LGR6: variants seen among roughly 807,000 people sequenced by gnomAD.
The protein encoded by LGR6 is leucine rich repeat containing G protein-coupled receptor 6, also known as leucine-rich repeat-containing G protein-coupled receptor 6.
LGR6 carries 45 observed loss-of-function variants against 69.4 expected under a neutral mutation model. That is an observed-to-expected ratio of 0.65 (90% CI 0.51 to 0.83). The LOEUF (loss-of-function observed/expected upper bound fraction) is 0.83. Ranked by LOEUF, LGR6 falls within the 40% of genes least tolerant of loss-of-function variation. The pLI, the probability that LGR6 is intolerant of heterozygous loss-of-function variation, is 0.00. For synonymous variants in LGR6, 538 were observed against 555.0 expected, an observed-to-expected ratio of 0.97 and a Z score of 0.43; for missense variants, 1,108 against 1,246.7, an observed-to-expected ratio of 0.89 and a Z score of 1.68.
At chr1:202,305,352 C>T (rs1653073922) in intron 11 of LGR6, among the ~76,000 whole-genome samples, 1 of 152,184 alleles carries the variant, frequency 6.6e-6, no homozygotes, top group African/African-American at 2.4e-5. Flanking sequence ...TGGCATTGCT[C>T]AGTGAGGTCC....
intron 3 of LGR6, among the ~76,000 whole-genome samples, chr1:202,232,327 C>T (rs999125490): frequency 6.6e-6 from 1 of 152,024 alleles, no homozygotes; most frequent in Non-Finnish European, 1.5e-5. Context: ...GGTTCCTGCC[C>T]CCAAATGCCT....
chr1:202,255,291 TAGG>T (rs1663671071), intron 4 of LGR6, among the ~76,000 whole-genome samples: 2 of 152,300 alleles, frequency 1.3e-5, no homozygotes, highest in Non-Finnish European at 2.9e-5. Context: ...TGAGGCCAGT[TAGG>T]AGATCACTTC....
intron 1 of LGR6, among the ~76,000 whole-genome samples, chr1:202,197,755 A>G (rs1658696777): frequency 6.6e-6 from 1 of 152,220 alleles, no homozygotes; most frequent in Non-Finnish European, 1.5e-5. Context: ...ATTCCATTGC[A>G]TGTGCACATG....
chr1:202,273,673 T>G (rs930375070), intron 4 of LGR6, among the ~76,000 whole-genome samples: 1 of 151,738 alleles, frequency 6.6e-6, no homozygotes, highest in Non-Finnish European at 1.5e-5. Flanking sequence ...GTCAGGCTGG[T>G]CTCGAACTCC....
At chr1:202,276,626 G>T in intron 5 of LGR6, 105 bp downstream of exon 5, 2 of 945,570 alleles carry the variant, frequency 2.1e-6, no homozygotes, top group Non-Finnish European at 3.2e-6. Flanking sequence ...GCTCTTCTTT[G>T]CATGTTGCTA....
intron 1 of LGR6, among the ~76,000 whole-genome samples, chr1:202,209,709 A>G (rs1421072282): frequency 6.6e-6 from 1 of 152,236 alleles, no homozygotes; most frequent in Non-Finnish European, 1.5e-5. Context: ...TTTCACTCGA[A>G]GTATGGTTCA....
chr1:202,211,000 T>C (rs1571816256), intron 1 of LGR6, among the ~76,000 whole-genome samples: 1 of 152,266 alleles, frequency 6.6e-6, no homozygotes, highest in East Asian at 1.9e-4. Flanking sequence ...CATAGGCTGG[T>C]TGTGGGGGGA....
chr1:202,299,511 T>A (rs1165113078), intron 7 of LGR6, among the ~76,000 whole-genome samples: 2 of 152,098 alleles, frequency 1.3e-5, no homozygotes, highest in African/African-American at 4.8e-5. Context: ...CCTGTCTATC[T>A]CCATCTCTCT....
intron 4 of LGR6, among the ~76,000 whole-genome samples, chr1:202,270,896 G>C (rs1043333391): frequency 5.3e-5 from 8 of 152,114 alleles, no homozygotes; most frequent in African/African-American, 1.7e-4. Context: ...TTCCCTCCCT[G>C]CTTCAGCCTC....
chr1:202,318,226 C>G lies in LGR6; in HGVS notation c.1923C>G (p.Gly641=). ...EYGARWETGL[G]CRATGFLAVL... ...GAGCCCGCTGGGAGACGGGGCTAGGCTGCCGGGCCACTGGCTTCCTGGCAG... is the reference window on the plus strand; with the variant it reads ...GAGCCCGCTGGGAGACGGGGCTAGGGTGCCGGGCCACTGGCTTCCTGGCAG... The change falls in exon 18 of 18, where the codon GGC becomes GGG. Residue 641 remains glycine (G), a synonymous_variant. Coordinates refer to ENST00000367278, the MANE Select transcript of LGR6 (RefSeq NM_001017403.2). The G allele has an allele frequency of 6.2e-7, 1 of 1,612,018 alleles. No individual in the cohort carries two copies. The highest frequency in any genetic ancestry group is 1.1e-5 in the South Asian group (1 of 90,948).
intron 9 of LGR6, among the ~76,000 whole-genome samples, chr1:202,301,591 G>A (rs1391669448): frequency 6.6e-6 from 1 of 152,168 alleles, no homozygotes; most frequent in Non-Finnish European, 1.5e-5. Flanking sequence ...CTCAAGGCTG[G>A]TTCTCCTGTG....
At chr1:202,232,057 C>T (rs895820403) in intron 3 of LGR6, among the ~76,000 whole-genome samples, 3 of 151,010 alleles carry the variant, frequency 2.0e-5, no homozygotes, top group Admixed American at 6.6e-5. Flanking sequence ...TTGAGAGTTG[C>T]GCCATTGCAC....
At chr1:202,283,058 C>T (rs897140216) in intron 6 of LGR6, among the ~76,000 whole-genome samples, 1 of 152,180 alleles carries the variant, frequency 6.6e-6, no homozygotes, top group African/African-American at 2.4e-5. Context: ...AAACATAATG[C>T]CAGTAATAGT....
intron 6 of LGR6, among the ~76,000 whole-genome samples, chr1:202,291,709 G>A (rs1043008238): frequency 6.6e-6 from 1 of 152,164 alleles, no homozygotes; most frequent in African/African-American, 2.4e-5. Context: ...GTGGAACTGT[G>A]GTCAAGTGAT....
At chr1:202,316,111 G>A (rs762652634) in intron 17 of LGR6, among the ~76,000 whole-genome samples, 63 of 152,132 alleles carry the variant, frequency 4.1e-4, no homozygotes, top group Admixed American at 3.9e-4. Flanking sequence ...TAAAGAGAAC[G>A]AGAAACGCAT....
At chr1:202,245,016 C>T (rs767247755) in intron 4 of LGR6, among the ~76,000 whole-genome samples, 15 of 152,090 alleles carry the variant, frequency 9.9e-5, no homozygotes, top group South Asian at 8.3e-4. Flanking sequence ...CTGAAGGTGC[C>T]GTCTGCTGTG....
rs61532299 is a variant in LGR6, at chr1:202,296,212, A to G, written c.717-1296A>G. On this transcript the variant is annotated intron_variant, in intron 6 of 17. Transcript: ENST00000367278. ...TGGGCTGGGGTCATCCTGGGAGGCTAGGGAGGGATGCTGTAACTAAGTCTT... is the reference window on the plus strand; with the variant it reads ...TGGGCTGGGGTCATCCTGGGAGGCTGGGGAGGGATGCTGTAACTAAGTCTT... Among the ~76,000 whole-genome samples, 19 of 152,146 alleles carry G rather than the reference A, an allele frequency of 1.2e-4. No homozygotes were observed. In the East Asian group the frequency reaches 3.3e-3, roughly 26 times the overall value.
At chr1:202,260,590 T>G (rs1045908434) in intron 4 of LGR6, among the ~76,000 whole-genome samples, 1 of 152,254 alleles carries the variant, frequency 6.6e-6, no homozygotes, top group Admixed American at 6.5e-5. Context: ...CTTCCCAAAG[T>G]GTCGGGAATG....
At chr1:202,297,974 G>A (rs1667286521) in intron 7 of LGR6, among the ~76,000 whole-genome samples, 1 of 152,190 alleles carries the variant, frequency 6.6e-6, no homozygotes, top group Admixed American at 6.5e-5. Flanking sequence ...GTCCCCAGGG[G>A]TACTGAGAAG....
Sources: allele counts gnomAD v4.1 joint callset (sites outside exome capture counted in the v4.1 genomes callset), GRCh38; gene constraint gnomAD v4.1.1; transcripts MANE v1.5; gene names NCBI Gene and HGNC (gene_info 2026-07-23, HGNC 2026-07-21).